Variants in C4orf36 observed in about 807,000 individuals in gnomAD.
The protein encoded by C4orf36 is chromosome 4 open reading frame 36.
Under a neutral mutation model 12.2 loss-of-function variants are expected in C4orf36, and 11 were observed. The ratio of observed to expected loss-of-function variants is 0.90; its 90% CI spans 0.57 to 1.49. The LOEUF is 1.49. C4orf36 is among the 40% of genes most tolerant of loss of function. C4orf36 has a pLI of 0.00. For synonymous variants in C4orf36, 54 were observed against 51.3 expected (o/e 1.05, Z -0.22); for missense variants, 137 against 133.9 (o/e 1.02, Z -0.11).
intron 1 of C4orf36, 57 bp downstream of exon 1, chr4:86,892,126 G>A: frequency 1.0e-6 from 1 of 985,554 alleles, no homozygotes; most frequent in South Asian, 4.7e-5. Context: ...GGGGGCCTCG[G>A]CCGCCCACAG....
At chr4:86,902,418 C>CAAAAAAAAAAAAAAAAAAAAAAAAAAA in the C4orf36 span, among the ~76,000 whole-genome samples, 1 of 58,958 alleles carries the variant, frequency 1.7e-5, no homozygotes, top group Non-Finnish European at 2.8e-5. Context: ...ATGAGACTCT[C>CAAAAAAAAAAAAAAAAAAAAAAAAAAA]AAAAAAAAAA....
chr4:86,899,845 T>C, the C4orf36 span, among the ~76,000 whole-genome samples: 6 of 152,216 alleles, frequency 3.9e-5, no homozygotes, highest in East Asian at 9.7e-4. Flanking sequence ...AAATAAAATT[T>C]CATGAAACTG....
the C4orf36 span, chr4:86,913,825 CTTT>C: frequency 4.5e-3 from 2,720 of 611,198 alleles, no homozygotes; most frequent in East Asian, 5.6e-3. Flanking sequence ...TTTTCATCCA[CTTT>C]TTTTTTTTTT....
chr4:86,921,831 G>A, the C4orf36 span, among the ~76,000 whole-genome samples: 1 of 151,986 alleles, frequency 6.6e-6, no homozygotes, highest in African/African-American at 2.4e-5. Flanking sequence ...CAATAACTCC[G>A]CATTCTTTCC....
intron 2 of C4orf36, among the ~76,000 whole-genome samples, chr4:86,889,594 A>G (rs1747315655): frequency 6.6e-6 from 1 of 152,080 alleles, no homozygotes; most frequent in Non-Finnish European, 1.5e-5. Context: ...TACTATCCTC[A>G]GTTTACAGAT....
At chr4:86,906,814 C>G in the C4orf36 span, among the ~76,000 whole-genome samples, 114 of 150,334 alleles carry the variant, frequency 7.6e-4, no homozygotes, top group African/African-American at 2.6e-3. Context: ...CCAAGGCAGG[C>G]AGATCACTTG....
chr4:86,892,713 TG>T, upstream of C4orf36, among the ~76,000 whole-genome samples: 1 of 152,222 alleles, frequency 6.6e-6, no homozygotes, highest in East Asian at 1.9e-4. Context: ...TGCTGACATC[TG>T]GGGAACCGAA....
intron 4 of C4orf36, among the ~76,000 whole-genome samples, chr4:86,882,530 T>C (rs1213593813): frequency 6.6e-6 from 1 of 152,134 alleles, no homozygotes. Context: ...ACAGGAGCTA[T>C]CACAGCCCTC....
chr4:86,902,881 C>T, the C4orf36 span, among the ~76,000 whole-genome samples: 1 of 152,030 alleles, frequency 6.6e-6, no homozygotes, highest in East Asian at 1.9e-4. Flanking sequence ...TTATTTCTTT[C>T]ACTGAGGACC....
chr4:86,903,304 G>A, the C4orf36 span, among the ~76,000 whole-genome samples: 39 of 152,304 alleles, frequency 2.6e-4, no homozygotes, highest in African/African-American at 8.2e-4. Context: ...GAGGTCAAGA[G>A]ATCGAGACCA....
chr4:86,892,156 G>A (rs1411294289), intron 1 of C4orf36, 27 bp downstream of exon 1: 13 of 985,422 alleles, frequency 1.3e-5, no homozygotes, highest in African/African-American at 3.5e-5. Flanking sequence ...AGAAGGGAAC[G>A]GCCTCAGCCT....
intron 4 of C4orf36, among the ~76,000 whole-genome samples, chr4:86,878,501 TA>T (rs1402238930): frequency 1.3e-5 from 2 of 152,142 alleles, no homozygotes; most frequent in African/African-American, 4.8e-5. Context: ...ACTGCTTTAG[TA>T]AGAACTCCAG....
upstream of C4orf36, among the ~76,000 whole-genome samples, chr4:86,892,773 CAA>C (rs1747479673): frequency 3.3e-5 from 5 of 152,332 alleles, no homozygotes; most frequent in South Asian, 8.3e-4. Flanking sequence ...GCAGTGAGCT[CAA>C]AGCCCACGTG....
the C4orf36 span, among the ~76,000 whole-genome samples, chr4:86,908,190 C>T: frequency 2.7e-5 from 4 of 149,840 alleles, no homozygotes; most frequent in African/African-American, 9.8e-5. Context: ...CACACACACA[C>T]ACACACACAC....
the C4orf36 span, among the ~76,000 whole-genome samples, chr4:86,911,602 C>T: frequency 6.6e-6 from 1 of 152,168 alleles, no homozygotes; most frequent in Non-Finnish European, 1.5e-5. Flanking sequence ...AGCATGCCTT[C>T]CTGGTGTTCC....
In C4orf36 at chr4:86,876,210, TA is replaced by T. The variant is rs1746922027; in HGVS notation, c.*235del. 2 of 385,378 alleles carry T rather than the reference TA, an allele frequency of 5.2e-6. No individual in the cohort carries two copies. The highest frequency in any genetic ancestry group is 9.0e-5 in the Admixed American group (2 of 22,110). 23.9% of individuals were successfully genotyped at this position (385,378 alleles called of 1,614,324 possible). A position where few individuals can be genotyped will look rare whatever the true frequency, so the allele number is the denominator to read the frequency against. On this transcript the variant is annotated 3_prime_UTR_variant, in exon 5 of 5. Coordinates refer to ENST00000295898, the MANE Select transcript of C4orf36 (RefSeq NM_144645.4). ...ATAAATAAATAAAAATAATATAAAATAAAATACATTTATAACTGGCAATGTT... is the reference window on the plus strand; with the variant it reads ...ATAAATAAATAAAAATAATATAAAATAAATACATTTATAACTGGCAATGTT...
chr4:86,918,977 A>G, the C4orf36 span, among the ~76,000 whole-genome samples: 2 of 152,128 alleles, frequency 1.3e-5, no homozygotes, highest in Non-Finnish European at 2.9e-5. Flanking sequence ...CCTCAGAGCC[A>G]GGGAAGCTGA....
the C4orf36 span, chr4:86,933,321 C>T: frequency 6.6e-6 from 1 of 152,152 alleles, no homozygotes; most frequent in African/African-American, 2.4e-5. Flanking sequence ...AATAGGAGCT[C>T]TGTCTTTGTC....
chr4:86,905,710 CTT>C, the C4orf36 span, among the ~76,000 whole-genome samples: 3 of 138,720 alleles, frequency 2.2e-5, no homozygotes, highest in African/African-American at 5.3e-5. Context: ...TTCTGAGGTC[CTT>C]TTTTTTTTTT....
Sources: allele counts gnomAD v4.1 joint callset (sites outside exome capture counted in the v4.1 genomes callset), GRCh38; gene constraint gnomAD v4.1.1; transcripts MANE v1.5; gene names NCBI Gene and HGNC (gene_info 2026-07-23, HGNC 2026-07-21).